The following C12orf56 variants were observed in gnomAD, a reference collection of about 807,000 sequenced individuals.
C12orf56 encodes the protein chromosome 12 open reading frame 56, also known as uncharacterized protein C12orf56.
C12orf56 carries 71 observed loss-of-function variants against 69.9 expected under a neutral mutation model. The ratio of observed to expected loss-of-function variants is 1.02; its 90% CI spans 0.84 to 1.24. The LOEUF is 1.24. C12orf56 is among the 50% of genes most tolerant of loss of function. C12orf56 has a pLI of 0.00. For missense variants in C12orf56, 732 were observed against 738.5 expected, an observed-to-expected ratio of 0.99 and a Z score of 0.10; for synonymous variants, 276 against 274.1, an observed-to-expected ratio of 1.01 and a Z score of -0.07.
chr12:64,282,123 A>C (rs1055743898), intron 8 of C12orf56, among the ~76,000 whole-genome samples: 2 of 152,236 alleles, frequency 1.3e-5, no homozygotes, highest in Non-Finnish European at 2.9e-5. Context: ...TGGGAGGCCA[A>C]GGCGGGAAGA....
intron 2 of C12orf56, among the ~76,000 whole-genome samples, chr12:64,342,408 A>G (rs953488138): frequency 1.3e-5 from 2 of 152,188 alleles, no homozygotes; most frequent in Non-Finnish European, 2.9e-5. Context: ...TGGTGCCTGC[A>G]TATCATGCAG....
At chr12:64,293,475 T>C (rs1300283571) in intron 6 of C12orf56, 1 of 152,218 alleles carries the variant, frequency 6.6e-6, no homozygotes, top group Non-Finnish European at 1.5e-5. Flanking sequence ...AAATTACTTA[T>C]ACTCCCTGTC....
At chr12:64,335,417 CAAAAAAAAAA>C (rs59759648) in intron 2 of C12orf56, among the ~76,000 whole-genome samples, 1 of 98,308 alleles carries the variant, frequency 1.0e-5, no homozygotes, top group East Asian at 3.0e-4. Context: ...ACTTCATCTC[CAAAAAAAAAA>C]AAAAAAAAAA....
chr12:64,333,615 C>A (rs575809207), intron 2 of C12orf56, among the ~76,000 whole-genome samples: 3 of 152,330 alleles, frequency 2.0e-5, no homozygotes, highest in Admixed American at 2.0e-4. Flanking sequence ...AATCCTCCCA[C>A]CTCAGCCTCC....
intron 1 of C12orf56, among the ~76,000 whole-genome samples, chr12:64,387,159 T>C (rs1459197472): frequency 6.8e-6 from 1 of 147,812 alleles, no homozygotes; most frequent in Non-Finnish European, 1.5e-5. Flanking sequence ...AATTTCCCTA[T>C]TTCAAGGACA....
intron 5 of C12orf56, among the ~76,000 whole-genome samples, chr12:64,306,653 G>A (rs1249947556): frequency 6.6e-6 from 1 of 152,136 alleles, no homozygotes; most frequent in Non-Finnish European, 1.5e-5. Flanking sequence ...ACAGGCGTGA[G>A]CCACTACTCC....
intron 1 of C12orf56, among the ~76,000 whole-genome samples, chr12:64,367,213 C>CATACAGTTTATATATTATATATAAT (rs1315315025): frequency 0.71 from 9,946 of 14,094 alleles, 4,397 homozygotes; most frequent in Non-Finnish European, 0.78. Context: ...TTATATATAA[C>CATACAGTTTATATATTATATATAAT]ATACAGTTTA....
intron 10 of C12orf56, 58 bp downstream of exon 10, chr12:64,275,240 A>G: frequency 1.5e-6 from 1 of 677,268 alleles, no homozygotes; most frequent in Non-Finnish European, 2.2e-6. Flanking sequence ...AATATATAAT[A>G]GTCATGTAAT....
At chr12:64,328,706 A>AATATATATAT (rs138783628) in intron 3 of C12orf56, among the ~76,000 whole-genome samples, 3 of 15,112 alleles carry the variant, frequency 2.0e-4, no homozygotes, top group African/African-American at 6.5e-4. Flanking sequence ...AAAAAAAAAA[A>AATATATATAT]ATATATATAT....
At chr12:64,388,892 G>A (rs982392856) in intron 1 of C12orf56, 4 of 152,122 alleles carry the variant, frequency 2.6e-5, no homozygotes, top group African/African-American at 9.7e-5. Flanking sequence ...TGGAAACAAT[G>A]GTAGTGAGGA....
At chr12:64,285,670 C>T (rs1249284831) in intron 7 of C12orf56, among the ~76,000 whole-genome samples, 1 of 152,096 alleles carries the variant, frequency 6.6e-6, no homozygotes, top group African/African-American at 2.4e-5. Flanking sequence ...AGCTTGTAAT[C>T]CCAGTTGCTC....
intron 1 of C12orf56, among the ~76,000 whole-genome samples, chr12:64,373,036 A>G (rs1473602641): frequency 6.6e-6 from 1 of 152,078 alleles, no homozygotes; most frequent in Non-Finnish European, 1.5e-5. Context: ...TCTGCTTATT[A>G]TATCTGTTTT....
intron 2 of C12orf56, among the ~76,000 whole-genome samples, chr12:64,343,815 T>G (rs2039105363): frequency 6.6e-6 from 1 of 152,220 alleles, no homozygotes; most frequent in Admixed American, 6.5e-5. Flanking sequence ...TTTACTATCT[T>G]TCTAGATAGA....
At chr12:64,386,210 A>G (rs2039786551) in intron 1 of C12orf56, among the ~76,000 whole-genome samples, 1 of 151,620 alleles carries the variant, frequency 6.6e-6, no homozygotes, top group South Asian at 2.1e-4. Context: ...CCTTTTTTGT[A>G]ATTTTTAATT....
chr12:64,356,497 TC>T lies in C12orf56; in HGVS notation c.253-3442del, dbSNP rs1192647675. Among the ~76,000 whole-genome samples the T allele has an allele frequency of 2.0e-5, 3 of 152,264 alleles. No individual in the cohort carries two copies. The East Asian group carries it at 5.8e-4, about 29-fold the overall frequency. ...CAGGTAGCCCCTACTGCTGTGTCAT[TC>T]CCCTGTTGGCTAGGGTTGGACCGCA... is the stretch of plus-strand genomic sequence containing the variant. On this transcript the variant is annotated intron_variant, in intron 1 of 12. Transcript: ENST00000543942.
At chr12:64,382,879 A>AT (rs2039738528) in intron 1 of C12orf56, among the ~76,000 whole-genome samples, 1 of 151,608 alleles carries the variant, frequency 6.6e-6, no homozygotes, top group African/African-American at 2.4e-5. Flanking sequence ...TCAAAAAAAA[A>AT]AAAAAAAATT....
At chr12:64,339,512 T>C (rs183330728) in intron 2 of C12orf56, among the ~76,000 whole-genome samples, 1 of 152,292 alleles carries the variant, frequency 6.6e-6, no homozygotes, top group African/African-American at 2.4e-5. Flanking sequence ...GGTCACCAAC[T>C]TGGGAGCTCT....
chr12:64,284,434 T>A (rs2038173073), intron 8 of C12orf56, among the ~76,000 whole-genome samples: 1 of 152,116 alleles, frequency 6.6e-6, no homozygotes, highest in Non-Finnish European at 1.5e-5. Context: ...CAAAAAAAAA[T>A]TATGCTGAGA....
intron 5 of C12orf56, among the ~76,000 whole-genome samples, chr12:64,309,758 T>C (rs2038580697): frequency 6.6e-6 from 1 of 151,796 alleles, no homozygotes; most frequent in South Asian, 2.1e-4. Context: ...TGATCCTCCC[T>C]CCTCGGCCTC....
Sources: gnomAD v4.1 joint callset for allele counts (sites outside exome capture counted in the v4.1 genomes callset) on GRCh38, gnomAD v4.1.1 for gene constraint, MANE v1.5 for transcripts, NCBI Gene and HGNC (gene_info 2026-07-23, HGNC 2026-07-21) for gene names.